The following BRINP2 variants were observed in gnomAD, a reference collection of about 807,000 sequenced individuals.
The protein encoded by BRINP2 is BMP/retinoic acid-inducible neural-specific protein 2.
In BRINP2, 21 loss-of-function variants were observed where a neutral mutation model predicts 69.2. That is an observed-to-expected ratio of 0.30 (90% CI 0.22 to 0.44). BRINP2 has a LOEUF of 0.44. Ranked by LOEUF, BRINP2 falls within the 20% of genes least tolerant of loss-of-function variation. The pLI, the probability that BRINP2 is intolerant of heterozygous loss-of-function variation, is 1.00. For synonymous variants in BRINP2, 380 were observed against 394.1 expected (o/e 0.96, Z 0.42); for missense variants, 877 against 986.0 (o/e 0.89, Z 1.48).
At chr1:177,236,110 G>A (rs1376367070) in intron 2 of BRINP2, among the ~76,000 whole-genome samples, 4 of 152,210 alleles carry the variant, frequency 2.6e-5, no homozygotes, top group South Asian at 2.1e-4. Context: ...GAGAAGGTAG[G>A]AGAGGGACAG....
chr1:177,218,007 G>A (rs1392737789), intron 1 of BRINP2, among the ~76,000 whole-genome samples: 1 of 152,232 alleles, frequency 6.6e-6, no homozygotes, highest in Non-Finnish European at 1.5e-5. Context: ...GCTATGGTCA[G>A]TAGAAATGCA....
rs764244131 is a variant in BRINP2 at position 177,278,591 on chromosome 1, G to A, written c.1041G>A (p.Leu347=). The change falls in exon 7 of 8, where the codon CTG becomes CTA. Residue 347 remains leucine, a synonymous_variant. Coordinates refer to ENST00000361539, the MANE Select transcript of BRINP2 (RefSeq NM_021165.4). ...SEEFQALLKR[L]PDDRFLNSTA... is the part of the protein sequence containing the mutation. ...AGTTCCAGGCCCTGCTGAAAAGGCT[G>A]CCCGATGACCGGTTCCTGAACTCCA... 1 of 1,614,140 alleles carries A rather than the reference G, an allele frequency of 6.2e-7. No homozygotes were observed. Among genetic ancestry groups the A allele is most frequent in the Non-Finnish European group, 8.5e-7 (1 of 1,180,036 alleles).
At chr1:177,253,393 T>C (rs1650644370) in intron 2 of BRINP2, among the ~76,000 whole-genome samples, 1 of 152,158 alleles carries the variant, frequency 6.6e-6, no homozygotes, top group South Asian at 2.1e-4. Flanking sequence ...AAAAAAATGT[T>C]CTTTTGCTAT....
At chr1:177,256,205 C>G in intron 3 of BRINP2, 96 bp downstream of exon 3, 1 of 1,464,914 alleles carries the variant, frequency 6.8e-7, no homozygotes, top group Non-Finnish European at 9.2e-7. Flanking sequence ...TTATCTTCTT[C>G]CGGGCCTTTT....
At chr1:177,256,165 TAA>T in intron 3 of BRINP2, 56 bp downstream of exon 3, 9 of 1,579,140 alleles carry the variant, frequency 5.7e-6, no homozygotes, top group Non-Finnish European at 7.8e-6. Context: ...GAAATAACGT[TAA>T]GACTCGTGTA....
intron 4 of BRINP2, among the ~76,000 whole-genome samples, chr1:177,269,236 T>C (rs1398101483): frequency 6.6e-6 from 1 of 152,230 alleles, no homozygotes; most frequent in African/African-American, 2.4e-5. Context: ...TACCTGCTGA[T>C]AAATACTGTG....
At chr1:177,242,883 C>T (rs1250344720) in intron 2 of BRINP2, among the ~76,000 whole-genome samples, 2 of 152,164 alleles carry the variant, frequency 1.3e-5, no homozygotes, top group Non-Finnish European at 2.9e-5. Context: ...TAGAATCAGA[C>T]TGACTGGGTT....
Position 177,270,083 on chromosome 1 carries a change from G to GGC in BRINP2, c.670-3404_670-3403insCG, listed in dbSNP as rs139411453. On this transcript the variant is annotated intron_variant, in intron 4 of 7. Coordinates refer to ENST00000361539, the MANE Select transcript of BRINP2 (RefSeq NM_021165.4). ...TTTTCCTCACTTTGGGGCAAGGGGT[G>GGC]GGGGGGGTGGTTCTCAAGCTATTCT... 8.3e-4 allele frequency among the ~76,000 whole-genome samples: 23 copies of GGC among 27,798 alleles called. No homozygotes were observed. The East Asian group carries it at 0.013, about 16-fold the overall frequency. 18.2% of individuals were successfully genotyped at this position (27,798 alleles called of 152,430 possible).
chr1:177,276,737 C>T (rs1651507869), intron 6 of BRINP2, among the ~76,000 whole-genome samples: 1 of 152,206 alleles, frequency 6.6e-6, no homozygotes, highest in South Asian at 2.1e-4. Flanking sequence ...TTCCACAGTG[C>T]CTAGAGCAAT....
intron 1 of BRINP2, among the ~76,000 whole-genome samples, chr1:177,219,198 C>T (rs1416143311): frequency 6.6e-6 from 1 of 152,182 alleles, no homozygotes; most frequent in Non-Finnish European, 1.5e-5. Context: ...TTCCAGTCTA[C>T]TTGTGGAACT....
At chr1:177,207,727 A>G (rs906561093) in intron 1 of BRINP2, among the ~76,000 whole-genome samples, 2 of 152,126 alleles carry the variant, frequency 1.3e-5, no homozygotes, top group East Asian at 3.9e-4. Flanking sequence ...CTCTGGCTAC[A>G]TTGGTTACAG....
At chr1:177,182,683 A>G (rs563634478) in intron 1 of BRINP2, among the ~76,000 whole-genome samples, 110 of 152,288 alleles carry the variant, frequency 7.2e-4, no homozygotes, top group Admixed American at 1.2e-3. Flanking sequence ...ATGTGACGAC[A>G]TGGTCATTGA....
intron 2 of BRINP2, among the ~76,000 whole-genome samples, chr1:177,230,766 G>T (rs1401994605): frequency 6.6e-6 from 1 of 152,170 alleles, no homozygotes; most frequent in Non-Finnish European, 1.5e-5. Context: ...AATAAGCCAG[G>T]CACATATTCC....
rs1160294718 is a variant in BRINP2 at position 177,282,397 on chromosome 1, A to C, written c.*869A>C. ...TCTGCTCCAACCACCTGAACATCTA[A>C]GTAAACATTTATCTGGTTTAATATA... On this transcript the variant is annotated 3_prime_UTR_variant, in exon 8 of 8. Coordinates refer to ENST00000361539, the MANE Select transcript of BRINP2 (RefSeq NM_021165.4). The C allele has an allele frequency of 6.6e-6, 1 of 152,154 alleles. No individual in the cohort carries two copies. The highest frequency in any genetic ancestry group is 2.4e-5 in the African/African-American group (1 of 41,446). 9.4% of individuals were successfully genotyped at this position (152,154 alleles called of 1,614,324 possible). A position where few individuals can be genotyped will look rare whatever the true frequency, so the allele number is the denominator to read the frequency against.
intron 2 of BRINP2, among the ~76,000 whole-genome samples, chr1:177,231,061 T>C (rs112971208): frequency 5.3e-5 from 8 of 152,368 alleles, no homozygotes; most frequent in African/African-American, 1.4e-4. Flanking sequence ...ATCCATTCTT[T>C]TGGCAACTAA....
chr1:177,247,595 A>T (rs1240731679), intron 2 of BRINP2, among the ~76,000 whole-genome samples: 1 of 152,244 alleles, frequency 6.6e-6, no homozygotes, highest in Admixed American at 6.5e-5. Flanking sequence ...AGTCTCTTTC[A>T]GCACTGCAGT....
At chr1:177,211,759 T>C (rs1178340461) in intron 1 of BRINP2, among the ~76,000 whole-genome samples, 1 of 152,200 alleles carries the variant, frequency 6.6e-6, no homozygotes, top group East Asian at 1.9e-4. Flanking sequence ...GTAGCTGTCA[T>C]GTTTGTCCAC....
chr1:177,206,282 A>G (rs1024697465), intron 1 of BRINP2, among the ~76,000 whole-genome samples: 1 of 152,220 alleles, frequency 6.6e-6, no homozygotes, highest in Non-Finnish European at 1.5e-5. Context: ...TTTCTGACCC[A>G]CAGAGATTAG....
At chr1:177,215,003 AT>A (rs1649334694) in intron 1 of BRINP2, among the ~76,000 whole-genome samples, 1 of 152,212 alleles carries the variant, frequency 6.6e-6, no homozygotes, top group Non-Finnish European at 1.5e-5. Context: ...ATCAAAAAAA[AT>A]CAAACTTATT....
Sources: allele counts gnomAD v4.1 joint callset (sites outside exome capture counted in the v4.1 genomes callset), GRCh38; gene constraint gnomAD v4.1.1; transcripts MANE v1.5; gene names NCBI Gene and HGNC (gene_info 2026-07-23, HGNC 2026-07-21).